FMN1: variants seen among roughly 807,000 people sequenced by gnomAD.
FMN1 encodes formin 1, also known as formin-1.
In FMN1, 110 loss-of-function variants were observed where a neutral mutation model predicts 132.4. The observed-to-expected ratio is 0.83, with a 90% CI of 0.71 to 0.97. The LOEUF (loss-of-function observed/expected upper bound fraction) is 0.97, where lower values mean the gene tolerates loss of function less well. FMN1 is among the 50% of genes least tolerant of loss of function. The pLI is 0.00. For missense variants in FMN1, 1,792 were observed against 1,705.3 expected (o/e 1.05, Z -0.90); for synonymous variants, 722 against 651.7 (o/e 1.11, Z -1.64).
chr15:32,987,201 G>A (rs1043860094), intron 7 of FMN1, among the ~76,000 whole-genome samples: 2 of 152,078 alleles, frequency 1.3e-5, no homozygotes, highest in South Asian at 4.1e-4. Context: ...AACCATAAAG[G>A]TTAATGATAC....
chr15:33,104,735 T>C (rs1162155407), intron 4 of FMN1, among the ~76,000 whole-genome samples: 1 of 151,952 alleles, frequency 6.6e-6, no homozygotes, highest in Non-Finnish European at 1.5e-5. Flanking sequence ...GTGAATTAAC[T>C]GAAAAAGAAA....
At chr15:33,122,646 A>G (rs1962676651) in intron 4 of FMN1, among the ~76,000 whole-genome samples, 1 of 150,900 alleles carries the variant, frequency 6.6e-6, no homozygotes, top group African/African-American at 2.5e-5. Context: ...GTACAATGTG[A>G]GAGAGAAAAC....
At chr15:32,909,521 C>G (rs1266011285) in intron 11 of FMN1, among the ~76,000 whole-genome samples, 2 of 152,312 alleles carry the variant, frequency 1.3e-5, no homozygotes, top group East Asian at 1.9e-4. Context: ...CAAGCCTAGA[C>G]TATTAGACTA....
chr15:32,904,924 T>TC lies in FMN1; in HGVS notation c.3378-2885dup, dbSNP rs545530456. ...CCCACAAGAGCAAACACAGTAACTC[T>TC]CTTAAATATTCCCAAGCATGGGATC... On this transcript the variant is annotated intron_variant, in intron 12 of 20. Coordinates refer to ENST00000616417, the MANE Select transcript of FMN1 (RefSeq NM_001277313.2). Among the ~76,000 whole-genome samples the TC allele has an allele frequency of 3.3e-5, 5 of 152,314 alleles. No individual in the cohort carries two copies. The South Asian group carries it at 1.0e-3, about 32-fold the overall frequency.
At chr15:32,789,913 T>C (rs1477010161) in intron 19 of FMN1, among the ~76,000 whole-genome samples, 1 of 152,212 alleles carries the variant, frequency 6.6e-6, no homozygotes. Context: ...AACACTAGGT[T>C]ATGCCATACA....
chr15:33,029,623 T>C (rs1003301629), intron 6 of FMN1, among the ~76,000 whole-genome samples: 1 of 151,486 alleles, frequency 6.6e-6, no homozygotes, highest in Non-Finnish European at 1.5e-5. Context: ...AGACTAGGGT[T>C]TACCACATGG....
rs2037324831 is a variant in FMN1 at position 33,058,245 on chromosome 15, G to A, written c.2161+6712C>T. 2.0e-5 allele frequency among the ~76,000 whole-genome samples: 3 copies of A among 152,290 alleles called. No homozygotes were observed. The South Asian group carries it at 6.2e-4, about 32-fold the overall frequency. On this transcript the variant is annotated intron_variant, in intron 6 of 20. Transcript: ENST00000616417. ...GAAGAAAAATGAAGCCACCTGGATAGAAATTATGAGAAAGACGACGACTGA... is the reference window on the plus strand; with the variant it reads ...GAAGAAAAATGAAGCCACCTGGATAAAAATTATGAGAAAGACGACGACTGA...
intron 6 of FMN1, among the ~76,000 whole-genome samples, chr15:33,053,176 A>C (rs979638998): frequency 1.3e-5 from 2 of 152,156 alleles, no homozygotes; most frequent in Non-Finnish European, 1.5e-5. Context: ...CTTTGCCCTC[A>C]CTGGTGGACG....
At chr15:32,841,300 A>C (rs902468347) in intron 17 of FMN1, among the ~76,000 whole-genome samples, 2 of 152,214 alleles carry the variant, frequency 1.3e-5, no homozygotes, top group Non-Finnish European at 2.9e-5. Context: ...CTGGAGAAGA[A>C]GTCTCATATA....
rs781082348 is a variant in FMN1 at position 32,766,293 on chromosome 15, T to C, written c.*8017A>G. The stretch of plus-strand genomic sequence containing the variant: ...CCTGATTCAGAACAGGGGTAGATGT[T>C]TGAATCATGAATAGTAGTAAGAATG... On this transcript the variant is annotated 3_prime_UTR_variant, in exon 21 of 21. Coordinates refer to ENST00000616417, the MANE Select transcript of FMN1 (RefSeq NM_001277313.2). The C allele has an allele frequency of 3.3e-5, 5 of 152,232 alleles. No individual in the cohort carries two copies. Among genetic ancestry groups the C allele is most frequent in the African/African-American group, 4.8e-5 (2 of 41,458 alleles). 9.4% of individuals were successfully genotyped at this position (152,232 alleles called of 1,614,324 possible).
chr15:32,792,087 GA>G (rs763248387), intron 19 of FMN1, among the ~76,000 whole-genome samples: 3 of 152,040 alleles, frequency 2.0e-5, no homozygotes, highest in Admixed American at 6.5e-5. Context: ...GGGAGATGAA[GA>G]AGGGGAGTAG....
chr15:33,062,515 G>A (rs1263406935), intron 6 of FMN1, among the ~76,000 whole-genome samples: 2 of 152,064 alleles, frequency 1.3e-5, no homozygotes, highest in Non-Finnish European at 2.9e-5. Context: ...CCAGCTACTC[G>A]GGAGGCTGAG....
intron 7 of FMN1, among the ~76,000 whole-genome samples, chr15:32,973,685 C>A (rs1292189584): frequency 2.0e-5 from 3 of 151,994 alleles, no homozygotes. Context: ...CAGAGCAACT[C>A]AAAGTGATTA....
intron 19 of FMN1, among the ~76,000 whole-genome samples, chr15:32,797,187 G>A (rs1325352655): frequency 1.3e-5 from 2 of 152,180 alleles, no homozygotes; most frequent in African/African-American, 4.8e-5. Context: ...CTTTAATGTG[G>A]AATACAGTTA....
At chr15:32,915,637 G>C (rs1208561087) in intron 10 of FMN1, among the ~76,000 whole-genome samples, 1 of 151,578 alleles carries the variant, frequency 6.6e-6, no homozygotes, top group Non-Finnish European at 1.5e-5. Flanking sequence ...CTCTGATACA[G>C]TAATTCCAAG....
At chr15:33,051,813 C>T (rs1238226464) in intron 6 of FMN1, among the ~76,000 whole-genome samples, 6 of 152,206 alleles carry the variant, frequency 3.9e-5, no homozygotes, top group East Asian at 3.9e-4. Flanking sequence ...GGGAGGAATC[C>T]GGGGAGAAGG....
rs150774502 is a variant in FMN1, at chr15:32,823,446, G to A, written c.3929-19114C>T. On this transcript the variant is annotated intron_variant, in intron 17 of 20. Coordinates refer to ENST00000616417, the MANE Select transcript of FMN1 (RefSeq NM_001277313.2). ...CCCAAAGTGCTGGGATTACAGGTGT[G>A]AGCCACTGCGCCCGGCCGAGAGTTT... Among the ~76,000 whole-genome samples, 768 of 152,160 alleles carry A rather than the reference G, an allele frequency of 5.0e-3. 7 individuals are homozygous for A. The highest frequency in any genetic ancestry group is 0.017 in the Middle Eastern group (5 of 290).
Position 32,908,497 on chromosome 15 carries a change from G to T in FMN1, c.3370C>A (p.Pro1124Thr). Residue 1124 changes from proline to threonine, a missense_variant, in exon 12 of 21, where the codon CCT becomes ACT. Physicochemically the swap from Pro to Thr is conservative, Grantham distance 38. Coordinates refer to ENST00000616417, the MANE Select transcript of FMN1 (RefSeq NM_001277313.2). Reference protein sequence around the residue: ...KEEELKLLDKPEQFLHELAQI... With the variant: ...KEEELKLLDKTEQFLHELAQI... ...AATGTTAAGTATCCTTACTGCTCAG[G>T]TTTATCCAGCAGCTTCAGTTCTTCT... 6.3e-7 allele frequency: 1 copy of T among 1,599,746 alleles called. No homozygotes were observed. Among genetic ancestry groups the T allele is most frequent in the Non-Finnish European group, 8.5e-7 (1 of 1,171,084 alleles).
intron 17 of FMN1, among the ~76,000 whole-genome samples, chr15:32,822,274 A>G (rs1424720944): frequency 6.6e-6 from 1 of 152,188 alleles, no homozygotes; most frequent in Admixed American, 6.5e-5. Flanking sequence ...ACGTGAACCC[A>G]GGAGGTGGAG....
Sources: allele counts gnomAD v4.1 joint callset (sites outside exome capture counted in the v4.1 genomes callset), GRCh38; gene constraint gnomAD v4.1.1; transcripts MANE v1.5; gene names NCBI Gene and HGNC (gene_info 2026-07-23, HGNC 2026-07-21).